CD9: variants seen among roughly 807,000 people sequenced by gnomAD.
CD9 encodes CD9 antigen.
CD9 carries 10 observed loss-of-function variants against 31.4 expected under a neutral mutation model. The ratio of observed to expected loss-of-function variants is 0.32; its 90% CI spans 0.20 to 0.54. CD9 has a LOEUF of 0.54. Among genes scored for constraint, CD9 ranks in the 20% least tolerant of loss-of-function variants. The probability of loss-of-function intolerance (pLI) is 0.94; values close to 1 mark genes in which losing one functional copy is unlikely to be tolerated. For synonymous variants in CD9, 113 were observed against 114.1 expected (o/e 0.99, Z 0.06); for missense variants, 259 against 300.1 (o/e 0.86, Z 1.01).
chr12:6,235,768 T>C, intron 6 of CD9: 1 of 1,402,188 alleles, frequency 7.1e-7, no homozygotes, highest in South Asian at 1.7e-5. Flanking sequence ...ACCAGGGGAA[T>C]GACAAGTGTT....
At chr12:6,226,191 T>G (rs892076861) in intron 2 of CD9, 1 of 152,080 alleles carries the variant, frequency 6.6e-6, no homozygotes. Flanking sequence ...GCAGGTTTCT[T>G]TCTACACTCA....
intron 1 of CD9, among the ~76,000 whole-genome samples, chr12:6,221,330 T>C (rs1388056716): frequency 1.3e-5 from 2 of 152,136 alleles, no homozygotes. Flanking sequence ...AGCTATGGGC[T>C]CTCTCCTGCA....
Position 6,235,580 on chromosome 12 carries a change from G to A in CD9, c.537+15G>A. 4 of 1,601,018 alleles carry A rather than the reference G, an allele frequency of 2.5e-6. No individual in the cohort carries two copies. Among genetic ancestry groups the A allele is most frequent in the Non-Finnish European group, 3.4e-6 (4 of 1,171,050 alleles). On this transcript the variant is annotated intron_variant, in intron 6 of 7. Coordinates refer to ENST00000009180, the MANE Select transcript of CD9 (RefSeq NM_001769.4). ...TCACCGTGAAGGTAAACTCAGACCAGGATCCTGGTGTCCCTGCCCCCATTG... is the reference window on the plus strand; with the variant it reads ...TCACCGTGAAGGTAAACTCAGACCAAGATCCTGGTGTCCCTGCCCCCATTG...
chr12:6,216,261 G>C (rs917372851), intron 1 of CD9, among the ~76,000 whole-genome samples: 14 of 152,218 alleles, frequency 9.2e-5, no homozygotes, highest in South Asian at 2.1e-4. Flanking sequence ...CACTTCTGTG[G>C]CTTTCTTAAA....
At chr12:6,204,577 C>T (rs1305839918) in intron 1 of CD9, among the ~76,000 whole-genome samples, 6 of 152,090 alleles carry the variant, frequency 3.9e-5, no homozygotes, top group South Asian at 2.1e-4. Context: ...GTTCATTGCC[C>T]GTATACCTTA....
At chr12:6,206,226 T>C (rs555917345) in intron 1 of CD9, 2 of 151,818 alleles carry the variant, frequency 1.3e-5, no homozygotes, top group Non-Finnish European at 2.9e-5. Flanking sequence ...TTCTTTCTTT[T>C]TTTTTTTGGA....
chr12:6,209,675 ATTTC>A (rs1946171064), intron 1 of CD9, among the ~76,000 whole-genome samples: 1 of 130,446 alleles, frequency 7.7e-6, no homozygotes, highest in African/African-American at 2.9e-5. Context: ...CAGACTGCAA[ATTTC>A]TTTTTTTTTT....
chr12:6,213,271 G>T (rs1276212683), intron 1 of CD9, among the ~76,000 whole-genome samples: 1 of 152,148 alleles, frequency 6.6e-6, no homozygotes, highest in Admixed American at 6.5e-5. Context: ...TTCAGTTCAT[G>T]AAACCACATC....
chr12:6,223,050 G>GCGCAAGA lies in CD9; in HGVS notation c.67-2375_67-2369dup, dbSNP rs1241224878. 3.3e-5 allele frequency among the ~76,000 whole-genome samples: 5 copies of GCGCAAGA among 152,332 alleles called. No homozygotes were observed. The East Asian group carries it at 9.6e-4, about 29-fold the overall frequency. ...GCACTGTCTCGCTATCTCCCTATGCGCGCAAGAGCATCACAAGACCAGGGC... is the reference window on the plus strand; with the variant it reads ...GCACTGTCTCGCTATCTCCCTATGCGCGCAAGACGCAAGAGCATCACAAGACCAGGGC... On this transcript the variant is annotated intron_variant, in intron 1 of 7. Coordinates refer to ENST00000009180, the MANE Select transcript of CD9 (RefSeq NM_001769.4).
At chr12:6,200,631 C>A in intron 1 of CD9, 66 bp downstream of exon 1, 2 of 1,136,558 alleles carry the variant, frequency 1.8e-6, no homozygotes, top group Non-Finnish European at 2.6e-6. Flanking sequence ...CGGACACTGG[C>A]CGCGGCCGCG....
Position 6,232,130 on chromosome 12 carries a change from C to T in CD9, c.176-502C>T, listed in dbSNP as rs1350103970. 1.2e-5 allele frequency: 2 copies of T among 171,560 alleles called. No individual in the cohort carries two copies. Among genetic ancestry groups the T allele is most frequent in the South Asian group, 1.2e-4 (1 of 8,454 alleles). 10.6% of individuals were successfully genotyped at this position (171,560 alleles called of 1,614,324 possible). On this transcript the variant is annotated intron_variant, in intron 2 of 7. Transcript: ENST00000009180. The surrounding 1 kb of genome is among the most constrained non-coding windows in gnomAD (Gnocchi z 4.8). ...CTTCTGGGAACAGGCAGAGTTGGTTCCCCCCACCCCTGGGTAGGGGGGTGC... is the reference window on the plus strand; with the variant it reads ...CTTCTGGGAACAGGCAGAGTTGGTTTCCCCCACCCCTGGGTAGGGGGGTGC...
intron 2 of CD9, 34 bp downstream of exon 2, chr12:6,225,568 C>T (rs183323056): frequency 5.1e-6 from 7 of 1,382,506 alleles, no homozygotes; most frequent in Middle Eastern, 1.8e-4. Context: ...GAATTCAGAC[C>T]CTGGCTCCAA....
rs1946353710 is a variant in CD9, at chr12:6,225,524, C to G, written c.165C>G (p.Ser55Arg). 4 of 1,598,768 alleles carry G rather than the reference C, an allele frequency of 2.5e-6. No homozygotes were observed. The highest frequency in any genetic ancestry group is 1.1e-5 in the South Asian group (1 of 90,804). ...FEQETNNNNS[S>R]FYTGVYILIG... ...AAGAAACTAATAATAATAATTCCAG[C>G]TTCTACACAGGTGAGGGACGGGGAA... Residue 55 changes from serine (S) to arginine (R), a missense_variant, in exon 2 of 8, where the codon AGC becomes AGG. Transcript: ENST00000009180.
At position 6,224,195 on chromosome 12, in the gene CD9, ATCT is replaced by A. The variant is rs531696752; in HGVS notation, c.67-1226_67-1224del. Among the ~76,000 whole-genome samples, 302 of 152,248 alleles carry A rather than the reference ATCT, an allele frequency of 2.0e-3. 1 individual carries two copies. Among genetic ancestry groups the A allele is most frequent in the Non-Finnish European group, 3.5e-3 (238 of 68,008 alleles). On this transcript the variant is annotated intron_variant, in intron 1 of 7. Transcript: ENST00000009180. ...CCTCTTCAGATGCACTTCTGATATT[ATCT>A]TCTTTATTCTTTAGCCATACCTAAA...
At chr12:6,226,878 G>A (rs1033158431) in intron 2 of CD9, among the ~76,000 whole-genome samples, 2 of 152,152 alleles carry the variant, frequency 1.3e-5, no homozygotes, top group South Asian at 2.1e-4. Flanking sequence ...GGGAGGAGCC[G>A]GGTGCGGGTG....
At chr12:6,235,951 C>G in intron 6 of CD9, 3 of 1,406,146 alleles carry the variant, frequency 2.1e-6, no homozygotes, top group South Asian at 3.2e-5. Context: ...GACCCCCAAG[C>G]AGGGCCTGTC....
chr12:6,230,955 G>T (rs1946437698), intron 2 of CD9, among the ~76,000 whole-genome samples: 1 of 152,228 alleles, frequency 6.6e-6, no homozygotes, highest in Admixed American at 6.5e-5. Context: ...TGCTGCCCGT[G>T]AGCCTCAGCT....
chr12:6,213,618 C>T (rs147669979), intron 1 of CD9, among the ~76,000 whole-genome samples: 2 of 152,302 alleles, frequency 1.3e-5, no homozygotes, highest in East Asian at 1.9e-4. Context: ...GTTGATTCTT[C>T]GTATGTAGAA....
At chr12:6,220,817 C>T (rs1408889152) in intron 1 of CD9, among the ~76,000 whole-genome samples, 1 of 152,214 alleles carries the variant, frequency 6.6e-6, no homozygotes, top group Non-Finnish European at 1.5e-5. Flanking sequence ...CCCTATTGTA[C>T]CATCTCATAT....
Sources: gnomAD v4.1 joint callset for allele counts (sites outside exome capture counted in the v4.1 genomes callset) on GRCh38, gnomAD v4.1.1 for gene constraint, Gnocchi (gnomAD v3.1) non-coding constraint, MANE v1.5 for transcripts, NCBI Gene and HGNC (gene_info 2026-07-23, HGNC 2026-07-21) for gene names.